Variants in TNPO3 observed in about 807,000 individuals in gnomAD.
The protein encoded by TNPO3 is transportin-3.
TNPO3 carries 65 observed loss-of-function variants against 122.8 expected under a neutral mutation model. That is an observed-to-expected ratio of 0.53 (90% CI 0.43 to 0.65). The LOEUF (loss-of-function observed/expected upper bound fraction) is 0.65. Among genes scored for constraint, TNPO3 ranks in the 30% least tolerant of loss-of-function variants. The probability of loss-of-function intolerance (pLI) is 0.00; values close to 1 mark genes in which losing one functional copy is unlikely to be tolerated. For synonymous variants in TNPO3, 372 were observed against 411.2 expected, an observed-to-expected ratio of 0.90 and a Z score of 1.15; for missense variants, 850 against 1,136.7, an observed-to-expected ratio of 0.75 and a Z score of 3.63.
chr7:128,983,769 T>C (rs1353472904), intron 13 of TNPO3, among the ~76,000 whole-genome samples: 2 of 147,706 alleles, frequency 1.4e-5, no homozygotes, highest in East Asian at 1.9e-4. Context: ...AACCAATGTA[T>C]ACCTTCCATA....
At position 128,954,727 on chromosome 7, in the gene TNPO3, CCTT is replaced by C. The variant is rs1207400035; in HGVS notation, c.*687_*689del. The C allele has an allele frequency of 6.5e-6, 1 of 153,024 alleles. No homozygotes were observed. The highest frequency in any genetic ancestry group is 2.4e-5 in the African/African-American group (1 of 41,422). The allele number at this position is 153,024 out of a possible 1,614,324, so 9.5% of individuals were successfully genotyped here. A position where few individuals can be genotyped will look rare whatever the true frequency, so the allele number is the denominator to read the frequency against. ...CAGAACAAGTTCCTTGCTTACTCCT[CCTT>C]GTCTAAACAACTCTAAAGGTGGGAA... On this transcript the variant is annotated 3_prime_UTR_variant, in exon 23 of 23. Coordinates refer to ENST00000265388, the MANE Select transcript of TNPO3 (RefSeq NM_012470.4).
intron 1 of TNPO3, among the ~76,000 whole-genome samples, chr7:129,022,004 C>A (rs562580676): frequency 4.8e-4 from 73 of 151,842 alleles, no homozygotes; most frequent in African/African-American, 1.8e-3. Flanking sequence ...TGAACATAGG[C>A]AAATATCTAA....
At chr7:129,012,283 G>A (rs1318911418) in intron 4 of TNPO3, among the ~76,000 whole-genome samples, 2 of 152,074 alleles carry the variant, frequency 1.3e-5, no homozygotes, top group African/African-American at 2.4e-5. Context: ...TGGGATTACA[G>A]GGGTGAGCCA....
Position 128,979,961 on chromosome 7 carries a change from T to C in TNPO3, c.1920+10A>G. The C allele has an allele frequency of 1.9e-6, 3 of 1,613,378 alleles. No individual in the cohort carries two copies. The highest frequency in any genetic ancestry group is 2.5e-6 in the Non-Finnish European group (3 of 1,179,344). On this transcript the variant is annotated intron_variant, in intron 15 of 22. Transcript: ENST00000265388. ...AAGCCTTGATTCCACAAGCATCCAT[T>C]AGCACTTACTTCCTGTATGACTTTC...
At chr7:129,030,528 T>C (rs1805806341) in intron 1 of TNPO3, 1 of 153,642 alleles carries the variant, frequency 6.5e-6, no homozygotes, top group African/African-American at 2.4e-5. Context: ...AGTATTAATA[T>C]GTAGATATCA....
chr7:129,022,115 C>T (rs1427304997), intron 1 of TNPO3, among the ~76,000 whole-genome samples: 1 of 152,072 alleles, frequency 6.6e-6, no homozygotes, highest in Non-Finnish European at 1.5e-5. Flanking sequence ...TTGGGCAAGG[C>T]AGTTTACGCC....
At chr7:129,003,309 T>G (rs1198538955) in intron 5 of TNPO3, among the ~76,000 whole-genome samples, 6 of 149,856 alleles carry the variant, frequency 4.0e-5, no homozygotes, top group Non-Finnish European at 7.4e-5. Flanking sequence ...TTTTTTTTTT[T>G]TTTTTTTTTA....
intron 1 of TNPO3, among the ~76,000 whole-genome samples, chr7:129,040,267 A>AAC (rs975555383): frequency 6.6e-6 from 1 of 152,118 alleles, no homozygotes; most frequent in African/African-American, 2.4e-5. Flanking sequence ...AAAAAAAAAA[A>AAC]AAAGAAAATG....
chr7:128,985,757 T>C (rs1800076072), intron 12 of TNPO3, among the ~76,000 whole-genome samples: 1 of 152,150 alleles, frequency 6.6e-6, no homozygotes, highest in Non-Finnish European at 1.5e-5. Context: ...GATTTATCTG[T>C]GCCTATGAAG....
intron 18 of TNPO3, among the ~76,000 whole-genome samples, chr7:128,973,112 A>G (rs1798660059): frequency 6.6e-6 from 1 of 152,206 alleles, no homozygotes; most frequent in Non-Finnish European, 1.5e-5. Flanking sequence ...AAGGACCTAC[A>G]AGTAGAAACT....
chr7:128,971,296 C>T (rs1798464146), intron 19 of TNPO3, among the ~76,000 whole-genome samples: 1 of 152,040 alleles, frequency 6.6e-6, no homozygotes, highest in African/African-American at 2.4e-5. Context: ...CAGGCATACA[C>T]TACCACACTT....
At chr7:128,993,312 G>A (rs1255105102) in intron 9 of TNPO3, among the ~76,000 whole-genome samples, 1 of 152,158 alleles carries the variant, frequency 6.6e-6, no homozygotes, top group Admixed American at 6.5e-5. Context: ...CTCAGTGATT[G>A]TCAGGAAAAC....
chr7:129,015,224 A>G, intron 3 of TNPO3, 89 bp from the exon 4 acceptor site: 1 of 1,315,072 alleles, frequency 7.6e-7, no homozygotes, highest in South Asian at 1.3e-5. Context: ...ACTCACAACA[A>G]CAAAAGCAAC....
intron 1 of TNPO3, among the ~76,000 whole-genome samples, chr7:129,053,028 C>T (rs551329988): frequency 6.6e-6 from 1 of 152,082 alleles, no homozygotes; most frequent in Non-Finnish European, 1.5e-5. Context: ...GTTTAATATT[C>T]AAAGTCAAAG....
At chr7:128,988,720 A>G (rs1800434847) in intron 11 of TNPO3, among the ~76,000 whole-genome samples, 3 of 152,200 alleles carry the variant, frequency 2.0e-5, no homozygotes, top group Admixed American at 2.0e-4. Context: ...AGAAAGCCAA[A>G]TGTTGAGCCA....
rs935870378 is a variant in TNPO3, at chr7:128,954,870, G to C, written c.*547C>G. On this transcript the variant is annotated 3_prime_UTR_variant, in exon 23 of 23. Transcript: ENST00000265388. The stretch of plus-strand genomic sequence containing the variant: ...GAGAGGACAAAACAATAGAAAACCT[G>C]AACAAATGACCCTGACCCTCTTCTT... The C allele has an allele frequency of 6.4e-6, 1 of 156,122 alleles. No homozygotes were observed. Among genetic ancestry groups the C allele is most frequent in the Non-Finnish European group, 1.4e-5 (1 of 70,224 alleles). 9.7% of individuals were successfully genotyped at this position (156,122 alleles called of 1,614,324 possible).
At chr7:129,015,160 T>C (rs111227693) in intron 3 of TNPO3, 25 bp from the exon 4 acceptor site, 74 of 1,598,530 alleles carry the variant, frequency 4.6e-5, no homozygotes, top group African/African-American at 1.5e-4. Context: ...AGTGGAGATA[T>C]GTTATTTATA....
intron 12 of TNPO3, among the ~76,000 whole-genome samples, chr7:128,984,833 A>G (rs1277572245): frequency 2.0e-5 from 3 of 152,246 alleles, no homozygotes; most frequent in Non-Finnish European, 4.4e-5. Context: ...ATTTTAAAAA[A>G]AAGTTACAAA....
In TNPO3 at chr7:129,015,112, A is replaced by T; in HGVS notation, c.419T>A (p.Leu140Ter). 1 of 1,610,972 alleles carries T rather than the reference A, an allele frequency of 6.2e-7. No individual in the cohort carries two copies. Among genetic ancestry groups the T allele is most frequent in the Non-Finnish European group, 8.5e-7 (1 of 1,179,400 alleles). Residue 140 changes from leucine to a stop codon, truncating the protein, a stop_gained, in exon 4 of 23, where the codon TTG (leucine) becomes TAG (stop). Transcript: ENST00000265388. LOFTEE classifies it high-confidence loss of function. ...VEKYSNDVTSLPFLLEILTVL... is the reference protein window; with the variant it reads ...VEKYSNDVTS ...TGTAAGGATCTCCAGCAAAAAAGGC[A>T]AAGAAGTCACATCATTGCTGTATCT...
Sources: gnomAD v4.1 joint callset for allele counts (sites outside exome capture counted in the v4.1 genomes callset) on GRCh38, gnomAD v4.1.1 for gene constraint, MANE v1.5 for transcripts, NCBI Gene and HGNC (gene_info 2026-07-23, HGNC 2026-07-21) for gene names.